EFNA5: variants seen among roughly 807,000 people sequenced by gnomAD.
The protein encoded by EFNA5 is ephrin-A5.
A neutral mutation model predicts 22.9 loss-of-function variants in EFNA5; 5 were observed. That is an observed-to-expected ratio of 0.22 (90% CI 0.11 to 0.46). The LOEUF is 0.46. Ranked by LOEUF, EFNA5 falls within the 20% of genes least tolerant of loss-of-function variation. The pLI is 0.99. For synonymous variants in EFNA5, 113 were observed against 112.2 expected (o/e 1.01, Z -0.04); for missense variants, 237 against 293.3 (o/e 0.81, Z 1.40).
intron 1 of EFNA5, among the ~76,000 whole-genome samples, chr5:107,494,324 G>A (rs536453970): frequency 1.7e-3 from 263 of 152,292 alleles, no homozygotes; most frequent in Non-Finnish European, 2.8e-3. Flanking sequence ...TGGGCTTGGC[G>A]GGCCCTGCAC....
chr5:107,504,444 G>A (rs32003), intron 1 of EFNA5, among the ~76,000 whole-genome samples: 79,879 of 151,990 alleles, frequency 0.53, 22,382 homozygotes, highest in African/African-American at 0.72. Flanking sequence ...TAAAATATGT[G>A]TCTTCTCTAT....
Position 107,451,998 on chromosome 5 carries a change from G to A in EFNA5, c.126-24489C>T, listed in dbSNP as rs891448103. ...TCAAAGGTCCATCAATGATAGACAG[G>A]ATAAAGAAAATGTGGTACGTATATA... On this transcript the variant is annotated intron_variant, in intron 1 of 4. Transcript: ENST00000333274. Among the ~76,000 whole-genome samples, 44 of 152,226 alleles carry A rather than the reference G, an allele frequency of 2.9e-4. 1 individual carries two copies. Among genetic ancestry groups the A allele is most frequent in the Admixed American group, 1.8e-3 (27 of 15,298 alleles).
At chr5:107,437,680 A>G (rs1749152514) in intron 1 of EFNA5, among the ~76,000 whole-genome samples, 1 of 152,016 alleles carries the variant, frequency 6.6e-6, no homozygotes, top group Non-Finnish European at 1.5e-5. Context: ...AGTAGCGACT[A>G]CATAGATGTT....
chr5:107,454,383 A>T (rs1174132408), intron 1 of EFNA5, among the ~76,000 whole-genome samples: 3 of 152,178 alleles, frequency 2.0e-5, no homozygotes, highest in African/African-American at 7.2e-5. Context: ...AATTAAGATT[A>T]AGAATATATA....
intron 1 of EFNA5, among the ~76,000 whole-genome samples, chr5:107,466,433 C>A (rs998946803): frequency 6.6e-6 from 1 of 152,104 alleles, no homozygotes; most frequent in Non-Finnish European, 1.5e-5. Flanking sequence ...CCCAGACTCC[C>A]TTCTCCACTC....
intron 1 of EFNA5, among the ~76,000 whole-genome samples, chr5:107,434,600 C>G (rs1458898929): frequency 6.6e-6 from 1 of 152,190 alleles, no homozygotes; most frequent in Non-Finnish European, 1.5e-5. Context: ...GCTGGCACAG[C>G]AGAGAACCTG....
chr5:107,647,305 A>G (rs988845608), intron 1 of EFNA5, among the ~76,000 whole-genome samples: 4 of 152,180 alleles, frequency 2.6e-5, no homozygotes, highest in African/African-American at 9.6e-5. Flanking sequence ...CTCACAATGC[A>G]TCGTGGGTAT....
intron 1 of EFNA5, among the ~76,000 whole-genome samples, chr5:107,495,535 G>GT (rs1746954113): frequency 1.3e-5 from 2 of 152,214 alleles, no homozygotes; most frequent in African/African-American, 2.4e-5. Context: ...GACTTAGGCA[G>GT]TAAGCATCCA....
chr5:107,437,364 T>C (rs2112431937), intron 1 of EFNA5, among the ~76,000 whole-genome samples: 1 of 152,332 alleles, frequency 6.6e-6, no homozygotes, highest in East Asian at 1.9e-4. Flanking sequence ...TTACTTCTAT[T>C]TGGCCAGTTA....
chr5:107,597,835 C>CT (rs1739079514), intron 1 of EFNA5, among the ~76,000 whole-genome samples: 1 of 152,122 alleles, frequency 6.6e-6, no homozygotes, highest in African/African-American at 2.4e-5. Flanking sequence ...ACTGAAAATT[C>CT]TTCAGCTGCT....
intron 1 of EFNA5, among the ~76,000 whole-genome samples, chr5:107,667,034 A>G (rs560595564): frequency 1.3e-5 from 2 of 152,140 alleles, no homozygotes; most frequent in Non-Finnish European, 2.9e-5. Flanking sequence ...GTGGATTTTC[A>G]TTACTCAAAG....
chr5:107,550,428 T>C (rs1748267671), intron 1 of EFNA5, among the ~76,000 whole-genome samples: 1 of 152,134 alleles, frequency 6.6e-6, no homozygotes, highest in South Asian at 2.1e-4. Flanking sequence ...CTTTTGACAG[T>C]ATTGTAGAGG....
At position 107,622,355 on chromosome 5, in the gene EFNA5, T is replaced by A. The variant is rs190085379; in HGVS notation, c.125+48134A>T. ...AAAATCCCCATGTCTCACCCTCAAA[T>A]GTCCTGACTGAATTGCTGGGTTGGG... On this transcript the variant is annotated intron_variant, in intron 1 of 4. Coordinates refer to ENST00000333274, the MANE Select transcript of EFNA5 (RefSeq NM_001962.3). Among the ~76,000 whole-genome samples, 916 of 152,336 alleles carry A rather than the reference T, an allele frequency of 6.0e-3. 2 individuals carry two copies. Among genetic ancestry groups the A allele is most frequent in the Non-Finnish European group, 9.9e-3 (671 of 68,030 alleles).
chr5:107,591,874 AATATAT>A lies in EFNA5; in HGVS notation c.125+78609_125+78614del, dbSNP rs1749336672. Among the ~76,000 whole-genome samples the A allele has an allele frequency of 2.0e-4, 8 of 40,244 alleles. 1 individual carries two copies. The highest frequency in any genetic ancestry group is 1.3e-3 in the African/African-American group (8 of 5,996). The allele number at this position is 40,244 out of a possible 152,430, so 26.4% of individuals were successfully genotyped here. The stretch of plus-strand genomic sequence containing the variant: ...TATATAATATAAAAAATATATATAT[AATATAT>A]AATATATATATTATATATAATATAT... On this transcript the variant is annotated intron_variant, in intron 1 of 4. Transcript: ENST00000333274.
intron 1 of EFNA5, among the ~76,000 whole-genome samples, chr5:107,565,594 A>AAT (rs1392805080): frequency 1.3e-5 from 2 of 152,188 alleles, no homozygotes; most frequent in Non-Finnish European, 2.9e-5. Flanking sequence ...CTGTTTATCT[A>AAT]ATATATATAC....
At chr5:107,486,425 T>C (rs26237) in intron 1 of EFNA5, among the ~76,000 whole-genome samples, 3,854 of 152,212 alleles carry the variant, frequency 0.025, 246 homozygotes, top group East Asian at 0.18. Flanking sequence ...GAACTTATGA[T>C]GATAATTCTA....
chr5:107,496,900 T>G (rs1747001432), intron 1 of EFNA5, among the ~76,000 whole-genome samples: 1 of 152,210 alleles, frequency 6.6e-6, no homozygotes, highest in Non-Finnish European at 1.5e-5. Flanking sequence ...GTTCATGTGT[T>G]TGGCTCCTAG....
chr5:107,466,103 G>A (rs911661895), intron 1 of EFNA5, among the ~76,000 whole-genome samples: 1 of 152,122 alleles, frequency 6.6e-6, no homozygotes, highest in African/African-American at 2.4e-5. Flanking sequence ...TGACTCCAAA[G>A]CACTTTTCAT....
intron 1 of EFNA5, among the ~76,000 whole-genome samples, chr5:107,632,700 T>C (rs1750281836): frequency 6.6e-6 from 1 of 152,136 alleles, no homozygotes; most frequent in Non-Finnish European, 1.5e-5. Flanking sequence ...TTTTCTCCCA[T>C]CTCCTTGCCT....
Sources: allele counts gnomAD v4.1 joint callset (sites outside exome capture counted in the v4.1 genomes callset), GRCh38; gene constraint gnomAD v4.1.1; transcripts MANE v1.5; gene names NCBI Gene and HGNC (gene_info 2026-07-23, HGNC 2026-07-21).